Variants in CNTNAP2 observed in about 807,000 individuals in gnomAD.
The protein encoded by CNTNAP2 is contactin-associated protein-like 2.
CNTNAP2 carries 98 observed loss-of-function variants against 155.2 expected under a neutral mutation model. That is an observed-to-expected ratio of 0.63 (90% CI 0.54 to 0.75). The LOEUF is 0.75. CNTNAP2 is among the 30% of genes least tolerant of loss of function. The pLI is 0.00. For synonymous variants in CNTNAP2, 651 were observed against 631.2 expected, an observed-to-expected ratio of 1.03 and a Z score of -0.47; for missense variants, 1,727 against 1,688.1, an observed-to-expected ratio of 1.02 and a Z score of -0.40.
intron 15 of CNTNAP2, among the ~76,000 whole-genome samples, chr7:148,026,457 A>G (rs2116924977): frequency 6.6e-6 from 1 of 152,128 alleles, no homozygotes; most frequent in Non-Finnish European, 1.5e-5. Context: ...TCTCAAAAAT[A>G]TATATATGTT....
chr7:148,345,325 A>G (rs549055098), intron 21 of CNTNAP2, among the ~76,000 whole-genome samples: 8 of 151,536 alleles, frequency 5.3e-5, no homozygotes, highest in African/African-American at 1.9e-4. Context: ...ACGAATACTG[A>G]GCGCTGTCAC....
intron 21 of CNTNAP2, among the ~76,000 whole-genome samples, chr7:148,306,200 A>G (rs1797488700): frequency 6.6e-6 from 1 of 152,160 alleles, no homozygotes; most frequent in Non-Finnish European, 1.5e-5. Context: ...TTCATTCTCA[A>G]TTCTTTATTT....
chr7:147,315,697 G>A (rs1315237080), intron 9 of CNTNAP2, among the ~76,000 whole-genome samples: 1 of 151,916 alleles, frequency 6.6e-6, no homozygotes, highest in Non-Finnish European at 1.5e-5. Flanking sequence ...AGCCATGATG[G>A]TCTCGATCTC....
At chr7:147,374,654 A>G (rs907660392) in intron 9 of CNTNAP2, among the ~76,000 whole-genome samples, 1 of 152,014 alleles carries the variant, frequency 6.6e-6, no homozygotes, top group Admixed American at 6.6e-5. Flanking sequence ...TTCTACCCCC[A>G]AAGTCTTCCA....
In CNTNAP2 at chr7:148,387,355, G is replaced by T. The variant is rs141674960; in HGVS notation, c.3715+3467G>T. On this transcript the variant is annotated intron_variant, in intron 22 of 23. Transcript: ENST00000361727. ...ATGTTTGACTAGAATAAGATTCCTT[G>T]CTATCAGATATTTAAAAACAAAACA... Among the ~76,000 whole-genome samples the T allele has an allele frequency of 2.9e-3, 435 of 152,218 alleles. 1 individual carries two copies. Among genetic ancestry groups the T allele is most frequent in the Middle Eastern group, 0.01 (3 of 294 alleles).
chr7:146,996,543 T>G (rs1287604639), intron 3 of CNTNAP2, among the ~76,000 whole-genome samples: 1 of 152,262 alleles, frequency 6.6e-6, no homozygotes, highest in Non-Finnish European at 1.5e-5. Context: ...CTACTGATTT[T>G]GATTTTTGTG....
At chr7:147,236,567 T>G (rs1803809996) in intron 8 of CNTNAP2, among the ~76,000 whole-genome samples, 1 of 152,162 alleles carries the variant, frequency 6.6e-6, no homozygotes, top group African/African-American at 2.4e-5. Flanking sequence ...CAATTTTTTT[T>G]TCTTTTTGGT....
At chr7:146,458,824 A>G (rs776805201) in intron 1 of CNTNAP2, among the ~76,000 whole-genome samples, 1 of 152,182 alleles carries the variant, frequency 6.6e-6, no homozygotes, top group Non-Finnish European at 1.5e-5. Flanking sequence ...TCTCATGAGC[A>G]AGAAAGAATT....
At chr7:147,282,608 A>G (rs901693432) in intron 8 of CNTNAP2, among the ~76,000 whole-genome samples, 1 of 151,926 alleles carries the variant, frequency 6.6e-6, no homozygotes, top group Admixed American at 6.6e-5. Context: ...TACAGGGAAG[A>G]TGATGGACTC....
intron 8 of CNTNAP2, among the ~76,000 whole-genome samples, chr7:147,140,545 A>G (rs1801570980): frequency 6.6e-6 from 1 of 152,098 alleles, no homozygotes. Context: ...GCTGCTATCA[A>G]TCCTTGTGCA....
At position 148,282,092 on chromosome 7, in the gene CNTNAP2, G is replaced by A. The variant is rs142086414; in HGVS notation, c.3475+14966G>A. ...CCCACCTCGGCCTCCTAAAGTTCTG[G>A]GATTACAGTCATAAGCCACCACACC... On this transcript the variant is annotated intron_variant, in intron 21 of 23. Transcript: ENST00000361727. Among the ~76,000 whole-genome samples the A allele has an allele frequency of 3.1e-3, 466 of 151,776 alleles. 2 individuals carry two copies. The highest frequency in any genetic ancestry group is 0.01 in the Middle Eastern group (3 of 294).
At chr7:147,164,302 T>C (rs1445810323) in intron 8 of CNTNAP2, among the ~76,000 whole-genome samples, 3 of 152,230 alleles carry the variant, frequency 2.0e-5, no homozygotes, top group Non-Finnish European at 2.9e-5. Flanking sequence ...TGAGACATCA[T>C]GCCTGCAGCT....
chr7:146,311,204 A>T (rs1296968970), intron 1 of CNTNAP2, among the ~76,000 whole-genome samples: 2 of 152,214 alleles, frequency 1.3e-5, no homozygotes, highest in Non-Finnish European at 2.9e-5. Context: ...TTACAAATAA[A>T]CATTTTTCCC....
chr7:147,912,772 A>G (rs972454832), intron 14 of CNTNAP2, among the ~76,000 whole-genome samples: 5 of 152,172 alleles, frequency 3.3e-5, no homozygotes, highest in Admixed American at 1.3e-4. Context: ...GTTCTTCTTC[A>G]TCCCAAGCCC....
intron 3 of CNTNAP2, among the ~76,000 whole-genome samples, chr7:147,000,631 A>AT (rs1173044623): frequency 3.9e-5 from 6 of 152,132 alleles, no homozygotes; most frequent in Non-Finnish European, 7.4e-5. Flanking sequence ...GGTGCCCTAT[A>AT]TCCTGAACCA....
chr7:148,075,837 C>T (rs1046923235), intron 15 of CNTNAP2, among the ~76,000 whole-genome samples: 15 of 152,174 alleles, frequency 9.9e-5, no homozygotes, highest in Non-Finnish European at 1.9e-4. Context: ...CCACATAGTA[C>T]CGTTGTTACA....
chr7:147,789,722 G>A (rs1256981628), intron 13 of CNTNAP2, among the ~76,000 whole-genome samples: 3 of 152,212 alleles, frequency 2.0e-5, no homozygotes, highest in African/African-American at 7.2e-5. Context: ...AAAGCAGGCG[G>A]AAGGAGGTGG....
chr7:146,631,808 C>T (rs890130921), intron 1 of CNTNAP2, among the ~76,000 whole-genome samples: 7 of 152,070 alleles, frequency 4.6e-5, no homozygotes, highest in African/African-American at 1.7e-4. Flanking sequence ...CATACAAACT[C>T]ACTTTACCAA....
intron 1 of CNTNAP2, among the ~76,000 whole-genome samples, chr7:146,706,353 A>T (rs1418656591): frequency 6.6e-6 from 1 of 152,164 alleles, no homozygotes; most frequent in East Asian, 1.9e-4. Flanking sequence ...AAGTAAGTGA[A>T]TATAATTCTA....
Sources: allele counts gnomAD v4.1 joint callset (sites outside exome capture counted in the v4.1 genomes callset), GRCh38; gene constraint gnomAD v4.1.1; transcripts MANE v1.5; gene names NCBI Gene and HGNC (gene_info 2026-07-23, HGNC 2026-07-21).